RPGRIP1: variants seen among roughly 807,000 people sequenced by gnomAD.
RPGRIP1 encodes the protein X-linked retinitis pigmentosa GTPase regulator-interacting protein 1.
A neutral mutation model predicts 157.9 loss-of-function variants in RPGRIP1; 128 were observed. The observed-to-expected ratio is 0.81, with a 90% CI of 0.70 to 0.94. The LOEUF is 0.94. Among genes scored for constraint, RPGRIP1 ranks in the 40% least tolerant of loss-of-function variants. The pLI is 0.00. For synonymous variants in RPGRIP1, 554 were observed against 571.6 expected, an observed-to-expected ratio of 0.97 and a Z score of 0.44; for missense variants, 1,486 against 1,545.8, an observed-to-expected ratio of 0.96 and a Z score of 0.65.
At chr14:21,347,578 C>T (rs1422046434) in intron 23 of RPGRIP1, among the ~76,000 whole-genome samples, 2 of 152,154 alleles carry the variant, frequency 1.3e-5, no homozygotes, top group Non-Finnish European at 2.9e-5. Flanking sequence ...ATTCCTGGCA[C>T]TCTGTATTAG....
At chr14:21,307,444 TG>T (rs1341420715) in intron 6 of RPGRIP1, among the ~76,000 whole-genome samples, 3 of 152,354 alleles carry the variant, frequency 2.0e-5, no homozygotes, top group African/African-American at 7.2e-5. Flanking sequence ...TTGCAAGGTT[TG>T]TGGGAAATTA....
At chr14:21,340,636 C>T (rs908520778) in intron 21 of RPGRIP1, among the ~76,000 whole-genome samples, 2 of 152,196 alleles carry the variant, frequency 1.3e-5, no homozygotes, top group African/African-American at 2.4e-5. Context: ...GCCTGGGCAA[C>T]AGTGCTAGAC....
chr14:21,317,683 T>C lies in RPGRIP1; in HGVS notation c.1152-13T>C. 1 of 1,575,960 alleles carries C rather than the reference T, an allele frequency of 6.3e-7. No homozygotes were observed. The highest frequency in any genetic ancestry group is 1.7e-4 in the Middle Eastern group (1 of 6,024). The stretch of plus-strand genomic sequence containing the variant: ...TTGGGGTATCCATCTGAGAGCTTGC[T>C]TTCCATTGCCAGCATGCTGGACAGC... On this transcript the variant is annotated splice_polypyrimidine_tract_variant and intron_variant, in intron 10 of 24. Transcript: ENST00000400017.
intron 3 of RPGRIP1, among the ~76,000 whole-genome samples, chr14:21,295,315 A>T (rs971559341): frequency 1.3e-5 from 2 of 151,952 alleles, no homozygotes; most frequent in Non-Finnish European, 2.9e-5. Flanking sequence ...GGGGATGGAG[A>T]TAGGTGGAAT....
At chr14:21,341,918 C>T (rs532171269) in intron 21 of RPGRIP1, among the ~76,000 whole-genome samples, 63 of 152,016 alleles carry the variant, frequency 4.1e-4, no homozygotes, top group African/African-American at 1.4e-3. Flanking sequence ...GGTGTGGTGG[C>T]GGGTGCCTGT....
intron 2 of RPGRIP1, among the ~76,000 whole-genome samples, chr14:21,291,630 G>A (rs1285058859): frequency 6.6e-6 from 1 of 151,716 alleles, no homozygotes; most frequent in Non-Finnish European, 1.5e-5. Flanking sequence ...ACCCAAGCTG[G>A]AGTGCAGTGG....
intron 2 of RPGRIP1, among the ~76,000 whole-genome samples, chr14:21,288,843 A>G (rs1347905975): frequency 6.6e-6 from 1 of 152,174 alleles, no homozygotes; most frequent in Non-Finnish European, 1.5e-5. Context: ...TAAAAGTATT[A>G]CTGTGTGGGT....
At chr14:21,327,869 G>GA in intron 18 of RPGRIP1, 62 bp downstream of exon 18, 2 of 1,327,366 alleles carry the variant, frequency 1.5e-6, no homozygotes, top group East Asian at 4.7e-5. Flanking sequence ...AGATTTGAAG[G>GA]AGACAGTATT....
chr14:21,288,442 A>G (rs1354095586), intron 2 of RPGRIP1, among the ~76,000 whole-genome samples: 3 of 151,856 alleles, frequency 2.0e-5, no homozygotes, highest in South Asian at 2.1e-4. Context: ...CGGGCTCCCA[A>G]AGGGCTGGTA....
intron 14 of RPGRIP1, among the ~76,000 whole-genome samples, chr14:21,322,250 C>T (rs1882581423): frequency 6.6e-6 from 1 of 152,058 alleles, no homozygotes; most frequent in African/African-American, 2.4e-5. Flanking sequence ...CTCTGCCTTC[C>T]AGGTTCAAGC....
chr14:21,339,704 A>C (rs1309457529), intron 21 of RPGRIP1, among the ~76,000 whole-genome samples: 2 of 152,178 alleles, frequency 1.3e-5, no homozygotes, highest in Admixed American at 6.5e-5. Flanking sequence ...TTGAGATTTC[A>C]TACTGTGTGC....
intron 24 of RPGRIP1, 53 bp from the exon 25 acceptor site, chr14:21,351,051 C>CAA: frequency 4.1e-6 from 4 of 980,094 alleles, no homozygotes; most frequent in Non-Finnish European, 6.3e-6. Flanking sequence ...TGACAAATAC[C>CAA]AAGTATCAAA....
chr14:21,299,946 C>A (rs1880952364), intron 3 of RPGRIP1, among the ~76,000 whole-genome samples: 1 of 152,282 alleles, frequency 6.6e-6, no homozygotes, highest in East Asian at 1.9e-4. Context: ...TCTCTTGTTA[C>A]AAGGCCACAG....
At chr14:21,322,099 A>G in intron 14 of RPGRIP1, 95 bp downstream of exon 14, 2 of 1,035,716 alleles carry the variant, frequency 1.9e-6, no homozygotes, top group South Asian at 3.6e-5. Flanking sequence ...GGTGCCTCTC[A>G]TACCCTTAGC....
chr14:21,324,565 T>C (rs1566686503), intron 14 of RPGRIP1, 53 bp from the exon 15 acceptor site: 1 of 1,470,126 alleles, frequency 6.8e-7, no homozygotes, highest in East Asian at 2.3e-5. Context: ...TCCTCTACCC[T>C]AAGAAAGAGC....
In RPGRIP1 at chr14:21,287,997, T is replaced by C. The variant is rs1018145340; in HGVS notation, c.21T>C (p.Pro7=). ...AGATCATGTCACATCTGGTGGACCCTACATCAGGAGACTTGCCAGTTAGAG... is the reference window on the plus strand; with the variant it reads ...AGATCATGTCACATCTGGTGGACCCCACATCAGGAGACTTGCCAGTTAGAG... MSHLVD[P]TSGDLPVRDI... Residue 7 remains proline, a synonymous_variant, in exon 2 of 25, where the codon CCT becomes CCC. Transcript: ENST00000400017. The C allele has an allele frequency of 1.2e-6, 2 of 1,613,070 alleles. No individual in the cohort carries two copies. The highest frequency in any genetic ancestry group is 2.7e-5 in the African/African-American group (2 of 74,916).
intron 10 of RPGRIP1, 59 bp downstream of exon 10, chr14:21,312,565 C>T (rs1159787921): frequency 2.9e-6 from 3 of 1,043,446 alleles, no homozygotes; most frequent in South Asian, 1.4e-5. Context: ...ATAGAAAGTT[C>T]ATTCCTAATA....
intron 2 of RPGRIP1, among the ~76,000 whole-genome samples, chr14:21,290,046 G>A (rs1427193280): frequency 6.6e-6 from 1 of 151,678 alleles, no homozygotes; most frequent in Admixed American, 6.6e-5. Flanking sequence ...TAGTAGAGAT[G>A]GGGTTTCACC....
At chr14:21,299,783 G>C (rs1880945942) in intron 3 of RPGRIP1, among the ~76,000 whole-genome samples, 1 of 152,128 alleles carries the variant, frequency 6.6e-6, no homozygotes, top group Non-Finnish European at 1.5e-5. Context: ...CCACGGACTG[G>C]GTGGCTGAAA....
Sources: gnomAD v4.1 joint callset for allele counts (sites outside exome capture counted in the v4.1 genomes callset) on GRCh38, gnomAD v4.1.1 for gene constraint, MANE v1.5 for transcripts, NCBI Gene and HGNC (gene_info 2026-07-23, HGNC 2026-07-21) for gene names.